The following SYDE1 variants were observed in gnomAD, a reference collection of about 807,000 sequenced individuals.
The protein encoded by SYDE1 is rho GTPase-activating protein SYDE1.
Under a neutral mutation model 63.3 loss-of-function variants are expected in SYDE1, and 34 were observed. The observed-to-expected ratio is 0.54, with a 90% CI of 0.41 to 0.71. The LOEUF (loss-of-function observed/expected upper bound fraction) is 0.71, where lower values mean the gene tolerates loss of function less well. SYDE1 is among the 30% of genes least tolerant of loss of function. The pLI, the probability that SYDE1 is intolerant of heterozygous loss-of-function variation, is 0.00. For synonymous variants in SYDE1, 467 were observed against 473.4 expected, an observed-to-expected ratio of 0.99 and a Z score of 0.18; for missense variants, 925 against 1,042.5, an observed-to-expected ratio of 0.89 and a Z score of 1.55.
At chr19:15,113,388 G>A (rs1261768180) in intron 7 of SYDE1, among the ~76,000 whole-genome samples, 172 bp from the exon 8 acceptor site, 1 of 152,234 alleles carries the variant, frequency 6.6e-6, no homozygotes, top group Middle Eastern at 3.2e-3. Context: ...CCTGCCTCTT[G>A]ACATGCCAAT....
In SYDE1 at chr19:15,113,858, C is replaced by T; in HGVS notation, c.2103C>T (p.Asp701=). 1 of 1,614,214 alleles carries T rather than the reference C, an allele frequency of 6.2e-7. No individual in the cohort carries two copies. The highest frequency in any genetic ancestry group is 1.3e-5 in the African/African-American group (1 of 75,076). The change falls in exon 8 of 8, where the codon GAC becomes GAT. Residue 701 remains aspartate, a synonymous_variant. Coordinates refer to ENST00000342784, the MANE Select transcript of SYDE1 (RefSeq NM_033025.6). ...GEPRVTGDFE[D]DFDAPFNPHL... ...CGAGGGTCACCGGTGACTTCGAAGACGACTTCGATGCGCCCTTCAACCCGC... is the reference window on the plus strand; with the variant it reads ...CGAGGGTCACCGGTGACTTCGAAGATGACTTCGATGCGCCCTTCAACCCGC...
Position 15,111,216 on chromosome 19 carries a change from T to C in SYDE1, c.1291-97T>C, listed in dbSNP as rs532457904. 178 of 1,425,762 alleles carry C rather than the reference T, an allele frequency of 1.2e-4. No homozygotes were observed. In the African/African-American group the frequency reaches 2.1e-3, roughly 17 times the overall value. 88.3% of individuals were successfully genotyped at this position (1,425,762 alleles called of 1,614,324 possible). On this transcript the variant is annotated intron_variant, in intron 4 of 7. Coordinates refer to ENST00000342784, the MANE Select transcript of SYDE1 (RefSeq NM_033025.6). The surrounding 1 kb of genome is among the most constrained non-coding windows in gnomAD (Gnocchi z 5.5). Reference sequence around the variant, plus strand: ...CCAACCTCCCAGCCCACAATGCCCATTGCTGCCTGGCCCAGAATTCCAGTG... The same window carrying C: ...CCAACCTCCCAGCCCACAATGCCCACTGCTGCCTGGCCCAGAATTCCAGTG...
In SYDE1 at chr19:15,114,194, GGT is replaced by G; in HGVS notation, c.*232_*233del. The G allele has an allele frequency of 1.8e-6, 1 of 540,966 alleles. No individual in the cohort carries two copies. 33.5% of individuals were successfully genotyped at this position (540,966 alleles called of 1,614,324 possible). A position where few individuals can be genotyped will look rare whatever the true frequency, so the allele number is the denominator to read the frequency against. On this transcript the variant is annotated 3_prime_UTR_variant, in exon 8 of 8. Coordinates refer to ENST00000342784, the MANE Select transcript of SYDE1 (RefSeq NM_033025.6). Reference sequence around the variant, plus strand: ...GGGCCTGGGGATTTTAGGGACCAGCGGTTGTGACCATCTTTCCTGAGCACCAA... The same window carrying G: ...GGGCCTGGGGATTTTAGGGACCAGCGTGTGACCATCTTTCCTGAGCACCAA...
chr19:15,110,126 A>G lies in SYDE1; in HGVS notation c.853A>G (p.Thr285Ala), dbSNP rs1197237330. ...GGGGCTGCGGCCAGCGCCGGGGGCC[A>G]CCCCCAGGGACCTCTGCTGCCTACT... ...LGGLRPAPGA[T>A]PRDLCCLLQV... The change falls in exon 3 of 8, where the codon ACC (threonine) becomes GCC (alanine). Residue 285 changes from threonine (T) to alanine (A), a missense_variant. Around this residue, in one of 3 missense-constraint regions of SYDE1, gnomAD observed 599 missense variants for 653.7 expected, o/e 0.92. Coordinates refer to ENST00000342784, the MANE Select transcript of SYDE1 (RefSeq NM_033025.6). The surrounding 1 kb of genome is among the most constrained non-coding windows in gnomAD (Gnocchi z 6.9). 1 of 1,403,672 alleles carries G rather than the reference A, an allele frequency of 7.1e-7. No individual in the cohort carries two copies. Among genetic ancestry groups the G allele is most frequent in the Non-Finnish European group, 9.2e-7 (1 of 1,085,408 alleles). The allele number at this position is 1,403,672 out of a possible 1,614,324, so 87.0% of individuals were successfully genotyped here. A position where few individuals can be genotyped will look rare whatever the true frequency, so the allele number is the denominator to read the frequency against.
Position 15,107,522 on chromosome 19 carries a change from G to A in SYDE1, c.88+1G>A. On this transcript the variant is annotated splice_donor_variant, in intron 1 of 7. Transcript: ENST00000342784. LOFTEE classifies it high-confidence loss of function. The stretch of plus-strand genomic sequence containing the variant: ...AAAAAGTCGGACGCCAAGGAGCGCG[G>A]TAAGCGGAGATCGGTGGGGAACAGG... 1 of 1,541,494 alleles carries A rather than the reference G, an allele frequency of 6.5e-7. No homozygotes were observed. Among genetic ancestry groups the A allele is most frequent in the Non-Finnish European group, 8.8e-7 (1 of 1,140,464 alleles).
In SYDE1 at chr19:15,109,282, G is replaced by A. The variant is rs773439163; in HGVS notation, c.315G>A (p.Glu105=). 1.9e-6 allele frequency: 3 copies of A among 1,612,426 alleles called. No homozygotes were observed. In the Admixed American group the frequency reaches 5.0e-5, roughly 27 times the overall value. Residue 105 remains glutamate (E), a synonymous_variant, in exon 2 of 8, where the codon GAG becomes GAA. Transcript: ENST00000342784. The surrounding 1 kb of genome is among the most constrained non-coding windows in gnomAD (Gnocchi z 5.0). ...GGCCTGGGGTACCTGGCACTGGGGA[G>A]CCCGCCGGCGAGATCTGGTACAACC... is the stretch of plus-strand genomic sequence containing the variant. ...SLGPGVPGTG[E]PAGEIWYNPI... is the part of the protein sequence containing the mutation.
Position 15,110,592 on chromosome 19 carries a change from G to T in SYDE1, c.1147G>T (p.Glu383Ter). 1 of 1,595,338 alleles carries T rather than the reference G, an allele frequency of 6.3e-7. No individual in the cohort carries two copies. The stretch of plus-strand genomic sequence containing the variant: ...GCTGTATGCCAAGCTGACCCTGTCG[G>T]AGCAGCAGGAAGCCCCTGCCACAGC... ...GLLYAKLTLS[E>*]QQEAPATAEP... Residue 383 changes from glutamate (E) to a stop codon, truncating the protein, a stop_gained, in exon 4 of 8, where the codon GAG (glutamate) becomes TAG (stop). Transcript: ENST00000342784. LOFTEE classifies it high-confidence loss of function. This position sits in a 1 kb window ranked among gnomAD's most constrained non-coding sequence, Gnocchi z 6.9.
At position 15,113,703 on chromosome 19, in the gene SYDE1, C is replaced by T. The variant is rs1409198121; in HGVS notation, c.1948C>T (p.Arg650Cys). 6.2e-7 allele frequency: 1 copy of T among 1,613,490 alleles called. No individual in the cohort carries two copies. Among genetic ancestry groups the T allele is most frequent in the Non-Finnish European group, 8.5e-7 (1 of 1,179,834 alleles). The change falls in exon 8 of 8, where the codon CGC becomes TGC. Residue 650 changes from arginine (R) to cysteine (C), a missense_variant. Coordinates refer to ENST00000342784, the MANE Select transcript of SYDE1 (RefSeq NM_033025.6). ...AGGCCCCGAAAGCCCCCCGAGCAAC[C>T]GCTACGCCGGCGACTGGAGCGTTTG... is the stretch of plus-strand genomic sequence containing the variant. ...RGGPESPPSN[R>C]YAGDWSVCGR...
intron 6 of SYDE1, among the ~76,000 whole-genome samples, chr19:15,112,010 C>A (rs570684119): frequency 3.3e-5 from 5 of 152,308 alleles, no homozygotes; most frequent in South Asian, 4.1e-4. Context: ...GTCAAAAATG[C>A]AGGCTGAACG....
In SYDE1 at chr19:15,113,678, A is replaced by T; in HGVS notation, c.1923A>T (p.Gly641=). Residue 641 remains glycine (G), a synonymous_variant, in exon 8 of 8, where the codon GGA becomes GGT. Transcript: ENST00000342784. The stretch of plus-strand genomic sequence containing the variant: ...TGGTGACTCGGCCCCGCGGTCGAGG[A>T]GGCCCCGAAAGCCCCCCGAGCAACC... ...PEVVTRPRGR[G]GPESPPSNRY... 1.2e-6 allele frequency: 2 copies of T among 1,613,268 alleles called. No individual in the cohort carries two copies. The highest frequency in any genetic ancestry group is 1.6e-4 in the Middle Eastern group (1 of 6,062).
intron 6 of SYDE1, among the ~76,000 whole-genome samples, chr19:15,112,102 AT>A (rs1229725694): frequency 6.6e-6 from 1 of 152,140 alleles, no homozygotes; most frequent in Non-Finnish European, 1.5e-5. Flanking sequence ...CAATATCTTC[AT>A]CTGTAAAATG....
rs1412760926 is a variant in SYDE1, at chr19:15,107,535, G to T, written c.88+14G>T. On this transcript the variant is annotated intron_variant, in intron 1 of 7. Coordinates refer to ENST00000342784, the MANE Select transcript of SYDE1 (RefSeq NM_033025.6). ...CCAAGGAGCGCGGTAAGCGGAGATC[G>T]GTGGGGAACAGGGGGCGCCGAGCCC... The T allele has an allele frequency of 1.3e-6, 2 of 1,534,280 alleles. No homozygotes were observed. The highest frequency in any genetic ancestry group is 2.4e-5 in the South Asian group (2 of 83,854).
intron 1 of SYDE1, 21 bp downstream of exon 1, chr19:15,107,542 A>C: frequency 6.6e-7 from 1 of 1,523,614 alleles, no homozygotes; most frequent in Non-Finnish European, 8.9e-7. Flanking sequence ...ATCGGTGGGG[A>C]ACAGGGGGCG....
Position 15,111,500 on chromosome 19 carries a change from T to C in SYDE1, c.1417+61T>C, listed in dbSNP as rs1457418366. On this transcript the variant is annotated intron_variant, in intron 5 of 7. Transcript: ENST00000342784. This position sits in a 1 kb window ranked among gnomAD's most constrained non-coding sequence, Gnocchi z 5.5. ...CCATTCAATGCCTCACTTCAAGGCC[T>C]TGGGGCTCCTCTGGGACCTCAGTCC... The C allele has an allele frequency of 1.9e-6, 3 of 1,604,474 alleles. No homozygotes were observed. The highest frequency in any genetic ancestry group is 2.7e-5 in the African/African-American group (2 of 74,738).
In SYDE1 at chr19:15,111,178, T is replaced by G; in HGVS notation, c.1291-135T>G. 1.1e-6 allele frequency: 1 copy of G among 917,116 alleles called. No individual in the cohort carries two copies. Among genetic ancestry groups the G allele is most frequent in the East Asian group, 2.6e-5 (1 of 39,164 alleles). 56.8% of individuals were successfully genotyped at this position (917,116 alleles called of 1,614,324 possible). A position where few individuals can be genotyped will look rare whatever the true frequency, so the allele number is the denominator to read the frequency against. On this transcript the variant is annotated intron_variant, in intron 4 of 7. Transcript: ENST00000342784. The surrounding 1 kb of genome is among the most constrained non-coding windows in gnomAD (Gnocchi z 5.5). ...AAGCAGAGGGTTTACAAGGCCAGGT[T>G]GTCAAGGTAGTTCCAACCTCCCAGC...
chr19:15,114,170 G>A lies in SYDE1; in HGVS notation c.*207G>A. 8.8e-6 allele frequency: 5 copies of A among 570,744 alleles called. No homozygotes were observed. The South Asian group carries it at 9.1e-5, about 10-fold the overall frequency. 35.4% of individuals were successfully genotyped at this position (570,744 alleles called of 1,614,324 possible). On this transcript the variant is annotated 3_prime_UTR_variant, in exon 8 of 8. Coordinates refer to ENST00000342784, the MANE Select transcript of SYDE1 (RefSeq NM_033025.6). ...TTTGGACACTAGTTGCCAAGTCTGG[G>A]GCCTGGGGATTTTAGGGACCAGCGG...
rs558797211 is a variant in SYDE1 at position 15,112,496 on chromosome 19, G to A, written c.1729G>A (p.Gly577Ser). 1.0e-5 allele frequency: 16 copies of A among 1,606,850 alleles called. No homozygotes were observed. The highest frequency in any genetic ancestry group is 6.8e-5 in the Admixed American group (4 of 58,878). Residue 577 changes from glycine (G) to serine (S), a missense_variant, in exon 7 of 8, where the codon GGC becomes AGC. Physicochemically the swap from Gly to Ser is moderately conservative, Grantham distance 56. Transcript: ENST00000342784. The part of the protein sequence containing the change: ...APTRPRARSS[G>S]PGLASAVDFK... ...CACAAGGCCTCGTGCCCGCAGCTCC[G>A]GCCCAGGCCTTGCCAGTGCAGTGGA...
rs376129355 is a variant in SYDE1, at chr19:15,110,662, G to A, written c.1217G>A (p.Arg406Gln). 15 of 1,586,284 alleles carry A rather than the reference G, an allele frequency of 9.5e-6. No homozygotes were observed. Among genetic ancestry groups the A allele is most frequent in the South Asian group, 9.2e-5 (8 of 87,378 alleles). ...CTGCCCCTGCCACTGCTGGTGGAGC[G>A]GGAGCGGCCCCCCGGCCAGGTGCCC... ...FGLPLPLLVE[R>Q]ERPPGQVPLI... The change falls in exon 4 of 8, where the codon CGG becomes CAG. Residue 406 changes from arginine (R) to glutamine (Q), a missense_variant. Coordinates refer to ENST00000342784, the MANE Select transcript of SYDE1 (RefSeq NM_033025.6). The surrounding 1 kb of genome is among the most constrained non-coding windows in gnomAD (Gnocchi z 6.9).
rs1299492584 is a variant in SYDE1 at position 15,111,073 on chromosome 19, C to G, written c.1291-240C>G. ...GGTCTGGGAGAGCTTAAAACAAAACCTGGGGTAGTCATGGAAAGCCTCCTC... is the reference window on the plus strand; with the variant it reads ...GGTCTGGGAGAGCTTAAAACAAAACGTGGGGTAGTCATGGAAAGCCTCCTC... On this transcript the variant is annotated intron_variant, in intron 4 of 7. Transcript: ENST00000342784. The surrounding 1 kb of genome is among the most constrained non-coding windows in gnomAD (Gnocchi z 5.5). 6.6e-6 allele frequency among the ~76,000 whole-genome samples: 1 copy of G among 152,046 alleles called. No homozygotes were observed. The highest frequency in any genetic ancestry group is 1.5e-5 in the Non-Finnish European group (1 of 67,996).
Sources: gnomAD v4.1 joint callset for allele counts (sites outside exome capture counted in the v4.1 genomes callset) on GRCh38, gnomAD v4.1.1 for gene constraint, gnomAD v4.1.1 regional missense constraint, Gnocchi (gnomAD v3.1) non-coding constraint, MANE v1.5 for transcripts, NCBI Gene and HGNC (gene_info 2026-07-23, HGNC 2026-07-21) for gene names.